Variants in HEATR4 observed in about 807,000 individuals in gnomAD.
HEATR4 encodes the protein HEAT repeat-containing protein 4.
A neutral mutation model predicts 108.8 loss-of-function variants in HEATR4; 95 were observed. That is an observed-to-expected ratio of 0.87 (90% CI 0.74 to 1.04). The LOEUF (loss-of-function observed/expected upper bound fraction) is 1.04. Among genes scored for constraint, HEATR4 ranks in the 50% least tolerant of loss-of-function variants. The pLI, the probability that HEATR4 is intolerant of heterozygous loss-of-function variation, is 0.00. For missense variants in HEATR4, 1,152 were observed against 1,253.8 expected, an observed-to-expected ratio of 0.92 and a Z score of 1.23; for synonymous variants, 443 against 459.4, an observed-to-expected ratio of 0.96 and a Z score of 0.46.
the HEATR4 span, chr14:73,592,431 T>G: frequency 6.7e-7 from 1 of 1,492,378 alleles, no homozygotes; most frequent in Non-Finnish European, 8.9e-7. Flanking sequence ...GCCAGGCTGC[T>G]GGCGGGTGGT....
the HEATR4 span, among the ~76,000 whole-genome samples, chr14:73,613,619 A>C: frequency 6.6e-6 from 1 of 152,190 alleles, no homozygotes; most frequent in African/African-American, 2.4e-5. Flanking sequence ...CCCTGGGGGA[A>C]ATTTGGCAAT....
chr14:73,596,701 C>T, the HEATR4 span, among the ~76,000 whole-genome samples: 16,688 of 151,722 alleles, frequency 0.11, 1,382 homozygotes, highest in African/African-American at 0.22. Context: ...TGGGTTCAAG[C>T]GATTCTCCTG....
At chr14:73,619,277 G>T in the HEATR4 span, 97 of 1,606,454 alleles carry the variant, frequency 6.0e-5, 1 homozygote, top group Middle Eastern at 8.3e-4. Context: ...TCCAAAGGAG[G>T]TGACCTGTGT....
rs1489431543 is a variant in HEATR4, at chr14:73,546,358, C to A, written c.-152+12393G>T. On this transcript the variant is annotated intron_variant, in intron 1 of 17. Transcript: ENST00000553558. ...ATTACCTATCAGCCTCTTGACATTT[C>A]GTATTTTTTTTTTTTTTTTGAGACG... 3.0e-5 allele frequency among the ~76,000 whole-genome samples: 3 copies of A among 99,904 alleles called. 1 individual carries two copies. Among genetic ancestry groups the A allele is most frequent in the African/African-American group, 7.9e-5 (2 of 25,170 alleles). The allele number at this position is 99,904 out of a possible 152,430, so 65.5% of individuals were successfully genotyped here.
chr14:73,592,289 C>T, the HEATR4 span: 5 of 1,611,510 alleles, frequency 3.1e-6, no homozygotes, highest in East Asian at 1.1e-4. Context: ...AGGTGCTGGA[C>T]GGCCACGACC....
At chr14:73,589,523 T>G in the HEATR4 span, among the ~76,000 whole-genome samples, 3 of 152,144 alleles carry the variant, frequency 2.0e-5, no homozygotes, top group African/African-American at 7.2e-5. Flanking sequence ...TTCACCATGT[T>G]GGACAGGCTC....
the HEATR4 span, among the ~76,000 whole-genome samples, chr14:73,592,664 C>T: frequency 6.6e-3 from 1,003 of 152,212 alleles, 15 homozygotes; most frequent in African/African-American, 0.023. Context: ...ACCAGACTGG[C>T]CAGCATGGTG....
chr14:73,550,664 A>T (rs7159228), intron 1 of HEATR4, among the ~76,000 whole-genome samples: 1 of 109,502 alleles, frequency 9.1e-6, no homozygotes. Flanking sequence ...TCTCTCTCAC[A>T]GTATACAGTC....
chr14:73,524,310 A>AAAAAAAAAAAAAAATATATATATATAT, intron 2 of HEATR4, among the ~76,000 whole-genome samples: 1 of 54,788 alleles, frequency 1.8e-5, no homozygotes. Flanking sequence ...AAAAAAAAAA[A>AAAAAAAAAAAAAAATATATATATATAT]ATATATATAT....
chr14:73,514,912 C>A (rs1887492521), intron 5 of HEATR4, among the ~76,000 whole-genome samples: 1 of 151,780 alleles, frequency 6.6e-6, no homozygotes, highest in African/African-American at 2.4e-5. Context: ...TACTAAAATA[C>A]AAAAAATTGG....
At chr14:73,596,897 C>T in the HEATR4 span, among the ~76,000 whole-genome samples, 2 of 151,998 alleles carry the variant, frequency 1.3e-5, no homozygotes, top group African/African-American at 4.8e-5. Flanking sequence ...CCGCGCCCAG[C>T]TTACATAGCA....
chr14:73,623,984 G>A, the HEATR4 span, among the ~76,000 whole-genome samples: 1 of 151,874 alleles, frequency 6.6e-6, no homozygotes, highest in East Asian at 1.9e-4. Flanking sequence ...GCAGAACCGT[G>A]AGCCAAATAA....
At chr14:73,579,039 C>T in the HEATR4 span, among the ~76,000 whole-genome samples, 34 of 146,760 alleles carry the variant, frequency 2.3e-4, no homozygotes, top group Admixed American at 2.3e-3. Flanking sequence ...GAGCTGAAAT[C>T]ACATCACTGC....
the HEATR4 span, among the ~76,000 whole-genome samples, chr14:73,614,878 C>A: frequency 6.6e-6 from 1 of 150,664 alleles, no homozygotes; most frequent in Non-Finnish European, 1.5e-5. Flanking sequence ...AGGTGGATCA[C>A]CTGAGGTCAG....
rs1214429751 is a variant in HEATR4 at position 73,536,607 on chromosome 14, T to C, written c.-151-6363A>G. ...AACCAGTATAAGAAAATAATAACTA[T>C]TGGCCGGGCGCGGTGGCTCATCGCC... On this transcript the variant is annotated intron_variant, in intron 1 of 17. Transcript: ENST00000553558. 5.4e-5 allele frequency among the ~76,000 whole-genome samples: 6 copies of C among 111,998 alleles called. 2 individuals are homozygous for C. Among genetic ancestry groups the C allele is most frequent in the African/African-American group, 1.7e-4 (6 of 34,308 alleles). 73.5% of individuals were successfully genotyped at this position (111,998 alleles called of 152,430 possible). A position where few individuals can be genotyped will look rare whatever the true frequency, so the allele number is the denominator to read the frequency against.
rs372510461 is a variant in HEATR4 at position 73,541,742 on chromosome 14, T to C, written c.-151-11498A>G. On this transcript the variant is annotated intron_variant, in intron 1 of 17. Transcript: ENST00000553558. ...ATGGGCTATGATGTATCAGGTCTCT[T>C]CTTAAATGGTCTGGGTTTTCACAGA... 1.8e-4 allele frequency: 215 copies of C among 1,173,918 alleles called. 54 individuals carry two copies. The highest frequency in any genetic ancestry group is 7.3e-4 in the Admixed American group (30 of 41,160). 72.7% of individuals were successfully genotyped at this position (1,173,918 alleles called of 1,614,324 possible).
the HEATR4 span, among the ~76,000 whole-genome samples, chr14:73,574,730 G>A: frequency 2.0e-5 from 3 of 152,052 alleles, no homozygotes; most frequent in Non-Finnish European, 2.9e-5. Flanking sequence ...AGTGGTGATG[G>A]ACAAATTGTG....
upstream of HEATR4, among the ~76,000 whole-genome samples, chr14:73,559,275 C>T (rs1889466895): frequency 6.6e-6 from 1 of 151,608 alleles, no homozygotes; most frequent in South Asian, 2.1e-4. Context: ...GGCCACACCA[C>T]CATGCCCCAC....
chr14:73,577,891 C>G, the HEATR4 span, among the ~76,000 whole-genome samples: 1 of 151,758 alleles, frequency 6.6e-6, no homozygotes, highest in South Asian at 2.1e-4. Context: ...CACTCTGTTG[C>G]CCAGGCTGGA....
Sources: allele counts gnomAD v4.1 joint callset (sites outside exome capture counted in the v4.1 genomes callset), GRCh38; gene constraint gnomAD v4.1.1; transcripts MANE v1.5; gene names NCBI Gene and HGNC (gene_info 2026-07-23, HGNC 2026-07-21).